SAMMSON: variants seen among roughly 807,000 people sequenced by gnomAD.
SAMMSON encodes the protein survival associated mitochondrial melanoma specific oncogenic non-coding RNA.
chr3:70,130,975 A>C (rs1271785250), intron 4 of SAMMSON, among the ~76,000 whole-genome samples: 4 of 152,156 alleles, frequency 2.6e-5, no homozygotes, highest in Non-Finnish European at 5.9e-5. Flanking sequence ...TTTATTATTC[A>C]ACTATATTAA....
chr3:70,405,598 A>C (rs1701171535), intron 2 of SAMMSON, among the ~76,000 whole-genome samples: 1 of 152,230 alleles, frequency 6.6e-6, no homozygotes, highest in Admixed American at 6.5e-5. Flanking sequence ...TAGACCCTGC[A>C]GAGAAGTAAT....
At chr3:70,231,669 A>C (rs1447735889) in intron 4 of SAMMSON, among the ~76,000 whole-genome samples, 1 of 152,148 alleles carries the variant, frequency 6.6e-6, no homozygotes, top group African/African-American at 2.4e-5. Flanking sequence ...GGAGAGAGAG[A>C]GAAGGGAAGA....
chr3:70,130,992 C>T (rs1339612929), intron 4 of SAMMSON, among the ~76,000 whole-genome samples: 1 of 152,128 alleles, frequency 6.6e-6, no homozygotes, highest in Non-Finnish European at 1.5e-5. Flanking sequence ...TTAAATGAAA[C>T]TCTGGTCAGT....
chr3:70,011,894 T>C (rs891592612), intron 1 of SAMMSON, among the ~76,000 whole-genome samples: 6 of 152,214 alleles, frequency 3.9e-5, no homozygotes, highest in African/African-American at 1.4e-4. Flanking sequence ...AAGAGAGAAC[T>C]GTGGAAACTT....
intron 8 of SAMMSON, among the ~76,000 whole-genome samples, chr3:70,357,770 C>CA (rs954359050): frequency 4.6e-5 from 7 of 151,532 alleles, no homozygotes; most frequent in African/African-American, 9.7e-5. Context: ...GTTCACAGGG[C>CA]AAAAAAAGCA....
intron 4 of SAMMSON, among the ~76,000 whole-genome samples, chr3:70,162,315 A>G (rs1486173093): frequency 6.6e-6 from 1 of 151,868 alleles, no homozygotes; most frequent in African/African-American, 2.4e-5. Context: ...GGTGAAACCC[A>G]CAAATTTTGG....
chr3:70,391,716 C>T (rs1446726986), downstream of SAMMSON, among the ~76,000 whole-genome samples: 1 of 152,032 alleles, frequency 6.6e-6, no homozygotes, highest in Non-Finnish European at 1.5e-5. Flanking sequence ...TCATTTGTTT[C>T]AATCTCCTGG....
At chr3:70,267,128 A>G (rs1313353641) in intron 6 of SAMMSON, among the ~76,000 whole-genome samples, 2 of 152,190 alleles carry the variant, frequency 1.3e-5, no homozygotes, top group African/African-American at 4.8e-5. Flanking sequence ...GAGAATAGGA[A>G]GTACCAAGCT....
chr3:70,025,672 C>T (rs763752440), intron 3 of SAMMSON, among the ~76,000 whole-genome samples: 9 of 152,152 alleles, frequency 5.9e-5, no homozygotes, highest in East Asian at 5.8e-4. Flanking sequence ...CAATCCCACG[C>T]GGTTCACAAT....
intron 4 of SAMMSON, among the ~76,000 whole-genome samples, chr3:70,209,821 G>A (rs114289805): frequency 0.031 from 4,671 of 152,122 alleles, 95 homozygotes; most frequent in Non-Finnish European, 0.049. Context: ...AAATAGCTGG[G>A]TTTTACACAC....
Position 70,350,187 on chromosome 3 carries a change from G to A in SAMMSON, n.740-3988G>A, listed in dbSNP as rs185680947. ...GACTAAAATCTCCAGAATGCAAAAAGTGTTCCTCAAAGTTATTAATTGAAA... is the reference window on the plus strand; with the variant it reads ...GACTAAAATCTCCAGAATGCAAAAAATGTTCCTCAAAGTTATTAATTGAAA... On this transcript the variant is annotated intron_variant and non_coding_transcript_variant, in intron 7 of 9. Transcript: ENST00000642114. 1.1e-4 allele frequency among the ~76,000 whole-genome samples: 16 copies of A among 152,222 alleles called. No homozygotes were observed. In the East Asian group the frequency reaches 2.5e-3, roughly 24 times the overall value.
chr3:70,263,581 A>G (rs1401965899), intron 6 of SAMMSON, among the ~76,000 whole-genome samples: 1 of 152,152 alleles, frequency 6.6e-6, no homozygotes, highest in African/African-American at 2.4e-5. Context: ...TTTCCCAGAA[A>G]GTTTGTCATG....
At chr3:70,009,970 G>C (rs2066946972) in intron 1 of SAMMSON, among the ~76,000 whole-genome samples, 1 of 149,532 alleles carries the variant, frequency 6.7e-6, no homozygotes. Flanking sequence ...TCTTAATCCT[G>C]AGTTCTAGTT....
At chr3:70,083,352 G>A (rs1559787556) in intron 4 of SAMMSON, among the ~76,000 whole-genome samples, 2 of 152,072 alleles carry the variant, frequency 1.3e-5, no homozygotes, top group Non-Finnish European at 1.5e-5. Flanking sequence ...CAACTGCTTT[G>A]GGTCATCTCT....
intron 3 of SAMMSON, among the ~76,000 whole-genome samples, chr3:70,065,882 C>T (rs1029639514): frequency 4.6e-5 from 7 of 152,188 alleles, no homozygotes; most frequent in South Asian, 2.1e-4. Context: ...CAGGTGTCAC[C>T]GCAGGCCCAT....
intron 7 of SAMMSON, among the ~76,000 whole-genome samples, chr3:70,311,388 A>G (rs1483398357): frequency 1.3e-5 from 2 of 152,186 alleles, no homozygotes; most frequent in Admixed American, 1.3e-4. Context: ...TGCGTATTTC[A>G]AGCAACCATT....
At chr3:70,317,524 A>T (rs992576200) in intron 7 of SAMMSON, among the ~76,000 whole-genome samples, 1 of 151,750 alleles carries the variant, frequency 6.6e-6, no homozygotes, top group Non-Finnish European at 1.5e-5. Flanking sequence ...GACTTACTTT[A>T]TTGTGATATT....
chr3:70,359,029 C>T (rs1157727602), intron 9 of SAMMSON, among the ~76,000 whole-genome samples: 2 of 152,050 alleles, frequency 1.3e-5, no homozygotes, highest in African/African-American at 2.4e-5. Flanking sequence ...AGATTTGTTC[C>T]ACCCACCCCC....
intron 4 of SAMMSON, among the ~76,000 whole-genome samples, chr3:70,158,662 C>G (rs1576138649): frequency 6.6e-6 from 1 of 151,540 alleles, no homozygotes; most frequent in South Asian, 2.1e-4. Flanking sequence ...CAAGAGAAGC[C>G]AAGAGTATAG....
Sources: allele counts gnomAD v4.1 joint callset (sites outside exome capture counted in the v4.1 genomes callset), GRCh38; gene constraint gnomAD v4.1.1; transcripts MANE v1.5; gene names NCBI Gene and HGNC (gene_info 2026-07-23, HGNC 2026-07-21).